The following NACAD variants were observed in gnomAD, a reference collection of about 807,000 sequenced individuals.
The protein encoded by NACAD is NAC alpha domain containing.
Under a neutral mutation model 98.9 loss-of-function variants are expected in NACAD, and 47 were observed. That is an observed-to-expected ratio of 0.48 (90% CI 0.38 to 0.61). NACAD has a LOEUF of 0.61. Ranked by LOEUF, NACAD falls within the 20% of genes least tolerant of loss-of-function variation. The pLI, the probability that NACAD is intolerant of heterozygous loss-of-function variation, is 0.00. For synonymous variants in NACAD, 696 were observed against 767.2 expected, an observed-to-expected ratio of 0.91 and a Z score of 1.53; for missense variants, 1,412 against 1,748.2, an observed-to-expected ratio of 0.81 and a Z score of 3.43.
In NACAD at chr7:45,082,444, G is replaced by A. The variant is rs1784445170; in HGVS notation, c.3736C>T (p.Pro1246Ser). The change falls in exon 2 of 8, where the codon CCA (proline) becomes TCA (serine). Residue 1246 changes from proline (P) to serine (S), a missense_variant. Transcript: ENST00000490531. The surrounding 1 kb of genome is among the most constrained non-coding windows in gnomAD (Gnocchi z 4.5). ...GGGTCCTGGCACAGGCAGGGGGCTGGGGGCTCCAGTGGGGGTAGGGCTGCC... is the reference window on the plus strand; with the variant it reads ...GGGTCCTGGCACAGGCAGGGGGCTGAGGGCTCCAGTGGGGGTAGGGCTGCC... ...AGAALPPLEP[P>S]APCLCQDPQE... The A allele has an allele frequency of 6.5e-7, 1 of 1,549,074 alleles. No homozygotes were observed. Among genetic ancestry groups the A allele is most frequent in the Non-Finnish European group, 8.7e-7 (1 of 1,146,650 alleles).
chr7:45,081,968 C>A, intron 2 of NACAD, 101 bp from the exon 3 acceptor site: 1 of 1,440,346 alleles, frequency 6.9e-7, no homozygotes, highest in Non-Finnish European at 9.3e-7. Flanking sequence ...CCAGAGGAAG[C>A]AGTGCCAGCT....
At chr7:45,080,567 G>C (rs1319597524) in intron 7 of NACAD, 44 bp from the exon 8 acceptor site, 7 of 1,551,450 alleles carry the variant, frequency 4.5e-6, no homozygotes, top group Non-Finnish European at 6.1e-6. Context: ...CCCCGCAGTG[G>C]AGCCAACATC....
chr7:45,082,807 C>T lies in NACAD; in HGVS notation c.3373G>A (p.Glu1125Lys), dbSNP rs1784454199. ...GACTTGCCACTCAGGCCTCTTTCCT[C>T]CCTGGCTGGGCTCAGGAGCCGGGCC... ...SQARLLSPAR[E>K]ERGLSGKSTP... is the part of the protein sequence containing the mutation. The change falls in exon 2 of 8, where the codon GAG becomes AAG. Residue 1125 changes from glutamate to lysine, a missense_variant. Coordinates refer to ENST00000490531, the MANE Select transcript of NACAD (RefSeq NM_001146334.2). The surrounding 1 kb of genome is among the most constrained non-coding windows in gnomAD (Gnocchi z 4.5). The T allele has an allele frequency of 2.6e-6, 4 of 1,549,734 alleles. No individual in the cohort carries two copies. The highest frequency in any genetic ancestry group is 2.4e-5 in the East Asian group (1 of 40,902).
At position 45,081,840 on chromosome 7, in the gene NACAD, T is replaced by C. The variant is rs1038706764; in HGVS notation, c.4100A>G (p.Gln1367Arg). Residue 1367 changes from glutamine to arginine, a missense_variant, in exon 3 of 8, where the codon CAG becomes CGG. Around this residue, in one of 5 missense-constraint regions of NACAD, gnomAD observed 572 missense variants for 639.6 expected, o/e 0.89. Coordinates refer to ENST00000490531, the MANE Select transcript of NACAD (RefSeq NM_001146334.2). The stretch of plus-strand genomic sequence containing the variant: ...TGACTCCCCGTGGCTATCCGAATGC[T>C]GGCCCGAGCCCAGGGCCCGAGGCGA... Reference protein sequence around the residue: ...EDSPRALGSGQHSDSHGESSA... With the variant: ...EDSPRALGSGRHSDSHGESSA... 4 of 1,548,184 alleles carry C rather than the reference T, an allele frequency of 2.6e-6. No homozygotes were observed. Among genetic ancestry groups the C allele is most frequent in the Non-Finnish European group, 3.5e-6 (4 of 1,146,914 alleles).
intron 1 of NACAD, among the ~76,000 whole-genome samples, chr7:45,087,855 C>T (rs1288690199): frequency 1.3e-5 from 2 of 152,164 alleles, no homozygotes; most frequent in Non-Finnish European, 2.9e-5. Context: ...TGGTGTGGCC[C>T]CCAGGGCAGG....
chr7:45,081,760 C>G lies in NACAD; in HGVS notation c.4180G>C (p.Ala1394Pro), dbSNP rs1203791980. 4 of 1,551,056 alleles carry G rather than the reference C, an allele frequency of 2.6e-6. No homozygotes were observed. Among genetic ancestry groups the G allele is most frequent in the Non-Finnish European group, 3.5e-6 (4 of 1,147,004 alleles). ...CTCTTCCCTGGACTGGGCACCTGGG[C>G]TGGACACTGCACGGTCTGAGGAGCC... ...ILAPQTVQCP[A>P]QAPAGGSEET... Residue 1394 changes from alanine (A) to proline (P), a missense_variant, in exon 3 of 8, where the codon GCC becomes CCC. Transcript: ENST00000490531.
Position 45,083,253 on chromosome 7 carries a change from C to T in NACAD, c.2927G>A (p.Arg976Lys), listed in dbSNP as rs745347677. 5.2e-6 allele frequency: 8 copies of T among 1,550,926 alleles called. No homozygotes were observed. In the African/African-American group the frequency reaches 5.5e-5, roughly 11 times the overall value. ...TGCATTCTTCTCCTCAGGTGCTGGCCTGGGGCCTAAGGCCTCACCTACTTC... is the reference window on the plus strand; with the variant it reads ...TGCATTCTTCTCCTCAGGTGCTGGCTTGGGGCCTAAGGCCTCACCTACTTC... ...QQEVGEALGP[R>K]PAPEEKNAAL... Residue 976 changes from arginine to lysine, a missense_variant, in exon 2 of 8, where the codon AGG becomes AAG. By Grantham distance (26) the Arg-to-Lys change is conservative. Coordinates refer to ENST00000490531, the MANE Select transcript of NACAD (RefSeq NM_001146334.2).
In NACAD at chr7:45,085,655, C is replaced by T. The variant is rs573427136; in HGVS notation, c.525G>A (p.Thr175=). The change falls in exon 2 of 8, where the codon ACG becomes ACA. Residue 175 remains threonine, a synonymous_variant. Coordinates refer to ENST00000490531, the MANE Select transcript of NACAD (RefSeq NM_001146334.2). The surrounding 1 kb of genome is among the most constrained non-coding windows in gnomAD (Gnocchi z 6.1). ...SPPPDPDSFF[T]PPSTPTKTTY... ...TGGTCTTGGTGGGGGTGGAGGGAGGCGTGAAGAAGGAATCAGGGTCTGGGG... is the reference window on the plus strand; with the variant it reads ...TGGTCTTGGTGGGGGTGGAGGGAGGTGTGAAGAAGGAATCAGGGTCTGGGG... The T allele has an allele frequency of 1.1e-4, 169 of 1,543,982 alleles. No individual in the cohort carries two copies. The South Asian group carries it at 1.1e-3, about 10-fold the overall frequency.
Position 45,083,351 on chromosome 7 carries a change from G to A in NACAD, c.2829C>T (p.Ala943=), listed in dbSNP as rs1784464113. The change falls in exon 2 of 8, where the codon GCC becomes GCT. Residue 943 remains alanine (A), a synonymous_variant. Coordinates refer to ENST00000490531, the MANE Select transcript of NACAD (RefSeq NM_001146334.2). ...CTTCTGCCTGCAAGGTTTGAGGGGT[G>A]GCCACAGCCAGAGGCTCTGGACCTG... ...PTSGPEPLAV[A]TPQTLQAEAG... The A allele has an allele frequency of 6.4e-7, 1 of 1,551,388 alleles. No individual in the cohort carries two copies. The highest frequency in any genetic ancestry group is 8.7e-7 in the Non-Finnish European group (1 of 1,147,024).
At position 45,085,710 on chromosome 7, in the gene NACAD, G is replaced by A. The variant is rs1784510987; in HGVS notation, c.470C>T (p.Ser157Phe). The A allele has an allele frequency of 6.5e-7, 1 of 1,550,078 alleles. No homozygotes were observed. The highest frequency in any genetic ancestry group is 1.2e-5 in the South Asian group (1 of 83,970). Residue 157 changes from serine to phenylalanine, a missense_variant, in exon 2 of 8, where the codon TCT becomes TTT. Around this residue, in one of 5 missense-constraint regions of NACAD, gnomAD observed 638 missense variants for 722.7 expected, o/e 0.88. Coordinates refer to ENST00000490531, the MANE Select transcript of NACAD (RefSeq NM_001146334.2). This position sits in a 1 kb window ranked among gnomAD's most constrained non-coding sequence, Gnocchi z 6.1. ...ASPDPPPELC[S>F]QGDLSVPSPP... The stretch of plus-strand genomic sequence containing the variant: ...GGAAGGCACAGAAAGATCACCCTGA[G>A]AACACAGCTCGGGGGGTGGGTCTGG...
chr7:45,087,786 G>A (rs1345683001), intron 1 of NACAD, among the ~76,000 whole-genome samples: 6 of 152,232 alleles, frequency 3.9e-5, no homozygotes, highest in Admixed American at 6.5e-5. Flanking sequence ...CATCAGGAGT[G>A]GGCGTGGCTG....
rs895530710 is a variant in NACAD, at chr7:45,088,420, C to T, written c.67+408G>A. 7.9e-5 allele frequency among the ~76,000 whole-genome samples: 12 copies of T among 152,176 alleles called. No individual in the cohort carries two copies. The highest frequency in any genetic ancestry group is 7.4e-5 in the Non-Finnish European group (5 of 68,024). On this transcript the variant is annotated intron_variant, in intron 1 of 7. Coordinates refer to ENST00000490531, the MANE Select transcript of NACAD (RefSeq NM_001146334.2). The surrounding 1 kb of genome is among the most constrained non-coding windows in gnomAD (Gnocchi z 5.7). The stretch of plus-strand genomic sequence containing the variant: ...AGACCGGGTGCAACTGAGGACCCTC[C>T]CGGTGGTCACCTGATCGTACTGGGG...
In NACAD at chr7:45,082,655, AG is replaced by A. The variant is rs1226190399; in HGVS notation, c.3524del (p.Ser1175LeufsTer329). On this transcript the variant is annotated frameshift_variant, in exon 2 of 8. Transcript: ENST00000490531. LOFTEE classifies it high-confidence loss of function. This position sits in a 1 kb window ranked among gnomAD's most constrained non-coding sequence, Gnocchi z 4.5. ...RGCPDAPAPT[S>X]APTSQQPEPV... ...GCTCCGGCTGCTGGGAGGTTGGTGC[AG>A]ACGTGGGGGCAGGCGCGTCAGGGCA... 3.3e-6 allele frequency: 5 copies of A among 1,509,794 alleles called. No homozygotes were observed. The Admixed American group carries it at 1.1e-4, about 32-fold the overall frequency. 93.5% of individuals were successfully genotyped at this position (1,509,794 alleles called of 1,614,324 possible).
In NACAD at chr7:45,082,325, T is replaced by C; in HGVS notation, c.3855A>G (p.Ser1285=). The C allele has an allele frequency of 1.3e-6, 2 of 1,550,530 alleles. No homozygotes were observed. The highest frequency in any genetic ancestry group is 1.7e-6 in the Non-Finnish European group (2 of 1,146,942). Residue 1285 remains serine, a synonymous_variant, in exon 2 of 8, where the codon TCA becomes TCG. Coordinates refer to ENST00000490531, the MANE Select transcript of NACAD (RefSeq NM_001146334.2). This position sits in a 1 kb window ranked among gnomAD's most constrained non-coding sequence, Gnocchi z 4.5. The part of the protein sequence containing the change: ...AGVQPAAAAV[S]GTTQPLGTGP... ...CAGTCCCCAGAGGCTGTGTGGTTCC[T>C]GAGACAGCAGCAGCGGCAGGCTGGA...
At position 45,085,057 on chromosome 7, in the gene NACAD, C is replaced by A; in HGVS notation, c.1123G>T (p.Asp375Tyr). The A allele has an allele frequency of 1.3e-6, 2 of 1,551,034 alleles. No homozygotes were observed. The highest frequency in any genetic ancestry group is 1.7e-6 in the Non-Finnish European group (2 of 1,146,894). The change falls in exon 2 of 8, where the codon GAC becomes TAC. Residue 375 changes from aspartate to tyrosine, a missense_variant. Physicochemically the swap from Asp to Tyr is radical, Grantham distance 160 (BLOSUM62 -3). Transcript: ENST00000490531. This position sits in a 1 kb window ranked among gnomAD's most constrained non-coding sequence, Gnocchi z 6.1. ...TCGTCCCGGAAGGCAAAAGCCTCGT[C>A]CATGCCCTCCGTGATGGACAGGTCA... ...LSDLSITEGM[D>Y]EAFAFRDDTS...
rs753344872 is a variant in NACAD, at chr7:45,085,471, T to C, written c.709A>G (p.Ser237Gly). 1 of 1,550,614 alleles carries C rather than the reference T, an allele frequency of 6.4e-7. No individual in the cohort carries two copies. Among genetic ancestry groups the C allele is most frequent in the South Asian group, 1.2e-5 (1 of 83,982 alleles). The change falls in exon 2 of 8, where the codon AGC becomes GGC. Residue 237 changes from serine to glycine, a missense_variant. By Grantham distance (56) the Ser-to-Gly change is moderately conservative. Coordinates refer to ENST00000490531, the MANE Select transcript of NACAD (RefSeq NM_001146334.2). The surrounding 1 kb of genome is among the most constrained non-coding windows in gnomAD (Gnocchi z 6.1). ...SWASSPSCSL[S>G]LLAPAEGLDF... Reference sequence around the variant, plus strand: ...AGCCCTTCAGCCGGAGCCAGCAGGCTGAGGGAACAGGAGGGTGAAGAGGCC... The same window carrying C: ...AGCCCTTCAGCCGGAGCCAGCAGGCCGAGGGAACAGGAGGGTGAAGAGGCC...
rs762373755 is a variant in NACAD at position 45,086,015 on chromosome 7, C to T, written c.165G>A (p.Thr55=). 479 of 1,535,376 alleles carry T rather than the reference C, an allele frequency of 3.1e-4. No homozygotes were observed. Among genetic ancestry groups the T allele is most frequent in the Non-Finnish European group, 4.0e-4 (454 of 1,145,288 alleles). Residue 55 remains threonine (T), a synonymous_variant, in exon 2 of 8, where the codon ACG becomes ACA. Coordinates refer to ENST00000490531, the MANE Select transcript of NACAD (RefSeq NM_001146334.2). The stretch of plus-strand genomic sequence containing the variant: ...GGGCACCCGGCTTGCTGGGCAGGAA[C>T]GTGAGGGCCAGGTGGCTGGGCCCTG... The part of the protein sequence containing the change: ...LTPGPSHLAL[T]FLPSKPGARP...
Position 45,085,545 on chromosome 7 carries a change from G to C in NACAD, c.635C>G (p.Pro212Arg). 6.5e-7 allele frequency: 1 copy of C among 1,550,382 alleles called. No individual in the cohort carries two copies. Among genetic ancestry groups the C allele is most frequent in the African/African-American group, 1.4e-5 (1 of 73,156 alleles). ...AELRDELLDSPPASPSGSYIT... is the reference protein window; with the variant it reads ...AELRDELLDSRPASPSGSYIT... ...GTAGGAGCCCGAGGGTGAGGCGGGG[G>C]GCGAGTCCAGCAGCTCATCCCGCAG... Residue 212 changes from proline to arginine, a missense_variant, in exon 2 of 8, where the codon CCC (proline) becomes CGC (arginine). By Grantham distance (103) the Pro-to-Arg change is moderately radical. Transcript: ENST00000490531. This position sits in a 1 kb window ranked among gnomAD's most constrained non-coding sequence, Gnocchi z 6.1.
At position 45,083,364 on chromosome 7, in the gene NACAD, G is replaced by T. The variant is rs919089513; in HGVS notation, c.2816C>A (p.Pro939His). Residue 939 changes from proline to histidine, a missense_variant, in exon 2 of 8, where the codon CCT (proline) becomes CAT (histidine). This residue lies in a region of NACAD where 572 missense variants were observed against 639.6 expected (regional missense o/e 0.89). Coordinates refer to ENST00000490531, the MANE Select transcript of NACAD (RefSeq NM_001146334.2). ...QDTGPTSGPE[P>H]LAVATPQTLQ... ...GGTTTGAGGGGTGGCCACAGCCAGAGGCTCTGGACCTGAGGTGGGGCCTGT... is the reference window on the plus strand; with the variant it reads ...GGTTTGAGGGGTGGCCACAGCCAGATGCTCTGGACCTGAGGTGGGGCCTGT... 7 of 1,551,310 alleles carry T rather than the reference G, an allele frequency of 4.5e-6. No homozygotes were observed. Among genetic ancestry groups the T allele is most frequent in the African/African-American group, 2.7e-5 (2 of 73,078 alleles).
Sources: gnomAD v4.1 joint callset for allele counts (sites outside exome capture counted in the v4.1 genomes callset) on GRCh38, gnomAD v4.1.1 for gene constraint, gnomAD v4.1.1 regional missense constraint, Gnocchi (gnomAD v3.1) non-coding constraint, MANE v1.5 for transcripts, NCBI Gene and HGNC (gene_info 2026-07-23, HGNC 2026-07-21) for gene names.